Variants in LRRC52 observed in about 807,000 individuals in gnomAD.
LRRC52 encodes the protein leucine-rich repeat-containing protein 52.
LRRC52 carries 15 observed loss-of-function variants against 14.7 expected under a neutral mutation model. That is an observed-to-expected ratio of 1.02 (90% confidence interval 0.68 to 1.58). The LOEUF (loss-of-function observed/expected upper bound fraction) is 1.58, where lower values mean the gene tolerates loss of function less well. Among genes scored for constraint, LRRC52 ranks in the 40% most tolerant of loss-of-function variants. LRRC52 has a pLI of 0.00. For missense variants in LRRC52, 400 were observed against 387.7 expected, an observed-to-expected ratio of 1.03 and a Z score of -0.27; for synonymous variants, 180 against 163.9, an observed-to-expected ratio of 1.10 and a Z score of -0.75.
chr1:165,556,378 C>T (rs1314303562), intron 1 of LRRC52, among the ~76,000 whole-genome samples: 2 of 101,082 alleles, frequency 2.0e-5, no homozygotes, highest in South Asian at 9.0e-4. Context: ...TCTATAGACT[C>T]TATATACAAG....
chr1:165,549,595 T>C (rs893360074), intron 1 of LRRC52, among the ~76,000 whole-genome samples: 1 of 152,188 alleles, frequency 6.6e-6, no homozygotes, highest in African/African-American at 2.4e-5. Context: ...GAGTTAATTC[T>C]TGGGAATTTG....
At position 165,544,214 on chromosome 1, in the gene LRRC52, G is replaced by GCCCCCCCCCCC; in HGVS notation, c.-79_-78insCCCCCCCCCCC. On this transcript the variant is annotated 5_prime_UTR_variant, in exon 1 of 2. Transcript: ENST00000294818. ...CAGTTCTTTCCAGAGCCCCTCCCCC[G>GCCCCCCCCCCC]CCCCACCCCCCCACCGGCAGCCTTC... is the stretch of plus-strand genomic sequence containing the variant. 5 of 404,270 alleles carry GCCCCCCCCCCC rather than the reference G, an allele frequency of 1.2e-5. No homozygotes were observed. Among genetic ancestry groups the GCCCCCCCCCCC allele is most frequent in the Admixed American group, 3.3e-5 (1 of 30,422 alleles). The allele number at this position is 404,270 out of a possible 1,614,324, so 25.0% of individuals were successfully genotyped here. A position where few individuals can be genotyped will look rare whatever the true frequency, so the allele number is the denominator to read the frequency against.
At chr1:165,557,232 C>T (rs1030566900) in intron 1 of LRRC52, among the ~76,000 whole-genome samples, 1 of 152,196 alleles carries the variant, frequency 6.6e-6, no homozygotes, top group Non-Finnish European at 1.5e-5. Flanking sequence ...AGGAGGTGCT[C>T]TTCCCAGTTC....
rs1160336168 is a variant in LRRC52 at position 165,563,552 on chromosome 1, C to A, written c.670C>A (p.Pro224Thr). The A allele has an allele frequency of 1.2e-6, 2 of 1,614,180 alleles. No homozygotes were observed. The highest frequency in any genetic ancestry group is 1.7e-6 in the Non-Finnish European group (2 of 1,180,022). ...GGAGCCCACAGAGCTGACAGGGTGG[C>A]CCATCACCCGGGTGGGGAACCCACT... is the stretch of plus-strand genomic sequence containing the variant. ...CVEPTELTGW[P>T]ITRVGNPLRY... Residue 224 changes from proline (P) to threonine (T), a missense_variant, in exon 2 of 2, where the codon CCC becomes ACC. Transcript: ENST00000294818.
chr1:165,556,317 G>T (rs1661232683), intron 1 of LRRC52, among the ~76,000 whole-genome samples: 1 of 152,108 alleles, frequency 6.6e-6, no homozygotes, highest in Admixed American at 6.5e-5. Context: ...AAACGTCAAG[G>T]TCTCATCTCC....
chr1:165,544,911 C>T lies in LRRC52; in HGVS notation c.615C>T (p.Asp205=), dbSNP rs752749628. ...FAIFLIVFHM[D]PSDDLNATCV... is the part of the protein sequence containing the mutation. ...TCTTCTTAATAGTGTTCCATATGGA[C>T]CCCTCAGGTGAGGGCTTGATTGGGT... The change falls in exon 1 of 2, where the codon GAC becomes GAT. Residue 205 remains aspartate, a synonymous_variant. Coordinates refer to ENST00000294818, the MANE Select transcript of LRRC52 (RefSeq NM_001005214.4). 1.2e-5 allele frequency: 20 copies of T among 1,613,626 alleles called. No homozygotes were observed. Among genetic ancestry groups the T allele is most frequent in the Non-Finnish European group, 1.5e-5 (18 of 1,179,770 alleles).
At position 165,544,323 on chromosome 1, in the gene LRRC52, TG is replaced by T; in HGVS notation, c.30del (p.Trp11GlyfsTer27). 1 of 1,607,698 alleles carries T rather than the reference TG, an allele frequency of 6.2e-7. No individual in the cohort carries two copies. Among genetic ancestry groups the T allele is most frequent in the South Asian group, 1.1e-5 (1 of 90,924 alleles). On this transcript the variant is annotated frameshift_variant, in exon 1 of 2. Transcript: ENST00000294818. LOFTEE classifies it high-confidence loss of function. MSLASGPGP[G>X]WLLFSFGMGL... The stretch of plus-strand genomic sequence containing the variant: ...TGTCCCTTGCTTCAGGCCCTGGCCC[TG>T]GGTGGTTACTCTTTTCCTTTGGAAT...
At chr1:165,548,263 T>G (rs1273137836) in intron 1 of LRRC52, among the ~76,000 whole-genome samples, 1 of 152,222 alleles carries the variant, frequency 6.6e-6, no homozygotes, top group Non-Finnish European at 1.5e-5. Context: ...ATATATTCCT[T>G]GAAAAGCAAT....
Position 165,546,200 on chromosome 1 carries a change from T to G in LRRC52, c.622+1282T>G, listed in dbSNP as rs527577424. Reference sequence around the variant, plus strand: ...AGCAGGGCTTTTAGGAGGCAAAATTTAAGGAGGCACTGAGAGCGAGTGCAC... The same window carrying G: ...AGCAGGGCTTTTAGGAGGCAAAATTGAAGGAGGCACTGAGAGCGAGTGCAC... On this transcript the variant is annotated intron_variant, in intron 1 of 1. Transcript: ENST00000294818. Among the ~76,000 whole-genome samples, 6 of 137,910 alleles carry G rather than the reference T, an allele frequency of 4.4e-5. No individual in the cohort carries two copies. In the South Asian group the frequency reaches 1.3e-3, roughly 30 times the overall value. The allele number at this position is 137,910 out of a possible 152,430, so 90.5% of individuals were successfully genotyped here.
At chr1:165,550,134 A>T (rs1347511057) in intron 1 of LRRC52, among the ~76,000 whole-genome samples, 1 of 152,224 alleles carries the variant, frequency 6.6e-6, no homozygotes, top group African/African-American at 2.4e-5. Flanking sequence ...GTTATTTTCC[A>T]GTCATTAATG....
chr1:165,544,208 T>TTCCCCCCCC lies in LRRC52; in HGVS notation c.-89_-88insTCCCCCCCC. 2.2e-6 allele frequency: 1 copy of TTCCCCCCCC among 448,100 alleles called. No individual in the cohort carries two copies. The highest frequency in any genetic ancestry group is 4.2e-6 in the Non-Finnish European group (1 of 235,722). 27.8% of individuals were successfully genotyped at this position (448,100 alleles called of 1,614,324 possible). On this transcript the variant is annotated 5_prime_UTR_variant, in exon 1 of 2. Coordinates refer to ENST00000294818, the MANE Select transcript of LRRC52 (RefSeq NM_001005214.4). The stretch of plus-strand genomic sequence containing the variant: ...GTGTTACAGTTCTTTCCAGAGCCCC[T>TTCCCCCCCC]CCCCCGCCCCACCCCCCCACCGGCA...
At chr1:165,547,204 C>T (rs1435885032) in intron 1 of LRRC52, among the ~76,000 whole-genome samples, 2 of 152,100 alleles carry the variant, frequency 1.3e-5, no homozygotes, top group Non-Finnish European at 2.9e-5. Context: ...GTGACTTGAA[C>T]CCCTTGATTT....
At chr1:165,555,221 C>T (rs1661208061) in intron 1 of LRRC52, among the ~76,000 whole-genome samples, 3 of 152,028 alleles carry the variant, frequency 2.0e-5, no homozygotes, top group Admixed American at 2.0e-4. Context: ...GAGAACAAGG[C>T]AGATACTTCA....
At chr1:165,547,427 G>A (rs773328827) in intron 1 of LRRC52, among the ~76,000 whole-genome samples, 13 of 151,998 alleles carry the variant, frequency 8.6e-5, no homozygotes, top group Admixed American at 2.6e-4. Flanking sequence ...AGCACTAACC[G>A]TCATAAATCC....
At chr1:165,548,621 C>T (rs749945272) in intron 1 of LRRC52, among the ~76,000 whole-genome samples, 6 of 152,262 alleles carry the variant, frequency 3.9e-5, no homozygotes, top group East Asian at 1.9e-4. Context: ...ATAAAATTGA[C>T]GGGTTATAAT....
chr1:165,563,637 G>T lies in LRRC52; in HGVS notation c.755G>T (p.Gly252Val). 1.2e-6 allele frequency: 2 copies of T among 1,614,202 alleles called. No individual in the cohort carries two copies. The highest frequency in any genetic ancestry group is 1.7e-6 in the Non-Finnish European group (2 of 1,180,030). The change falls in exon 2 of 2, where the codon GGC becomes GTC. Residue 252 changes from glycine to valine, a missense_variant. Physicochemically the swap from Gly to Val is moderately radical, Grantham distance 109 (BLOSUM62 -3). Transcript: ENST00000294818. ...HKDYIFLLLI[G>V]FCIFAAGTVA... ...GACTACATCTTCCTGCTGCTCATCG[G>T]CTTCTGCATCTTCGCCGCGGGAACT... is the stretch of plus-strand genomic sequence containing the variant.
At position 165,563,594 on chromosome 1, in the gene LRRC52, A is replaced by T. The variant is rs927630185; in HGVS notation, c.712A>T (p.Thr238Ser). The change falls in exon 2 of 2, where the codon ACG becomes TCG. Residue 238 changes from threonine to serine, a missense_variant. Transcript: ENST00000294818. ...VGNPLRYMCITHLDHKDYIFL... is the reference protein window; with the variant it reads ...VGNPLRYMCISHLDHKDYIFL... The stretch of plus-strand genomic sequence containing the variant: ...GAACCCACTCCGATACATGTGCATC[A>T]CGCACCTGGACCACAAAGACTACAT... The T allele has an allele frequency of 1.2e-6, 2 of 1,614,080 alleles. No individual in the cohort carries two copies. The highest frequency in any genetic ancestry group is 1.7e-6 in the Non-Finnish European group (2 of 1,180,040).
At chr1:165,552,278 G>T (rs1661147732) in intron 1 of LRRC52, among the ~76,000 whole-genome samples, 1 of 152,172 alleles carries the variant, frequency 6.6e-6, no homozygotes, top group African/African-American at 2.4e-5. Flanking sequence ...GGCCCCTCAG[G>T]TCACCCAGCA....
chr1:165,544,404 A>T lies in LRRC52; in HGVS notation c.108A>T (p.Glu36Asp), dbSNP rs200101224. 2.0e-4 allele frequency: 317 copies of T among 1,614,174 alleles called. 2 individuals are homozygous for T. The South Asian group carries it at 2.8e-3, about 14-fold the overall frequency. ...CPNNCLCQAQ[E>D]VICTGKQLTE... The stretch of plus-strand genomic sequence containing the variant: ...ATAATTGTCTGTGTCAAGCCCAAGA[A>T]GTAATCTGCACAGGGAAGCAGTTAA... Residue 36 changes from glutamate to aspartate, a missense_variant, in exon 1 of 2, where the codon GAA (glutamate) becomes GAT (aspartate). By Grantham distance (45) the Glu-to-Asp change is conservative (BLOSUM62 2). Coordinates refer to ENST00000294818, the MANE Select transcript of LRRC52 (RefSeq NM_001005214.4).
Sources: allele counts gnomAD v4.1 joint callset (sites outside exome capture counted in the v4.1 genomes callset), GRCh38; gene constraint gnomAD v4.1.1; transcripts MANE v1.5; gene names NCBI Gene and HGNC (gene_info 2026-07-23, HGNC 2026-07-21).